The following PRKN variants were observed in gnomAD, a reference collection of about 807,000 sequenced individuals.
PRKN encodes the protein E3 ubiquitin-protein ligase parkin.
A neutral mutation model predicts 59.5 loss-of-function variants in PRKN; 56 were observed. The ratio of observed to expected loss-of-function variants is 0.94; its 90% CI spans 0.76 to 1.18. PRKN has a LOEUF of 1.18. Ranked by LOEUF, PRKN falls within the 50% of genes most tolerant of loss-of-function variation. The pLI, the probability that PRKN is intolerant of heterozygous loss-of-function variation, is 0.00. For missense variants in PRKN, 657 were observed against 596.4 expected (o/e 1.10, Z -1.06); for synonymous variants, 250 against 222.1 (o/e 1.13, Z -1.12).
At chr6:162,671,297 G>A (rs957021190) in intron 1 of PRKN, among the ~76,000 whole-genome samples, 13 of 152,102 alleles carry the variant, frequency 8.5e-5, no homozygotes, top group African/African-American at 2.9e-4. Context: ...TCAGGAGATC[G>A]AGACCATCCT....
intron 4 of PRKN, among the ~76,000 whole-genome samples, chr6:162,141,078 C>T (rs182633469): frequency 1.4e-3 from 209 of 151,944 alleles, no homozygotes; most frequent in Admixed American, 2.0e-3. Context: ...TGCAGTGAGC[C>T]GAGATCGCGC....
At chr6:162,165,485 T>C (rs1782935928) in intron 4 of PRKN, among the ~76,000 whole-genome samples, 1 of 148,988 alleles carries the variant, frequency 6.7e-6, no homozygotes, top group Non-Finnish European at 1.5e-5. Flanking sequence ...GAACCTAATT[T>C]GAAAGTGAAC....
Position 162,727,732 on chromosome 6 carries a change from C to T in PRKN, c.-64G>A, listed in dbSNP as rs1173179729. 2 of 1,519,840 alleles carry T rather than the reference C, an allele frequency of 1.3e-6. No individual in the cohort carries two copies. The highest frequency in any genetic ancestry group is 1.8e-6 in the Non-Finnish European group (2 of 1,119,860). 94.1% of individuals were successfully genotyped at this position (1,519,840 alleles called of 1,614,324 possible). A position where few individuals can be genotyped will look rare whatever the true frequency, so the allele number is the denominator to read the frequency against. ...CCCATGCGCGCAGCGGCGCCAGCCG[C>T]GCCTCCCACCAGCGGCTCTCCTGGG... is the stretch of plus-strand genomic sequence containing the variant. On this transcript the variant is annotated 5_prime_UTR_variant, in exon 1 of 12. Coordinates refer to ENST00000366898, the MANE Select transcript of PRKN (RefSeq NM_004562.3).
chr6:162,066,696 C>T (rs898259164), intron 4 of PRKN, among the ~76,000 whole-genome samples: 3 of 152,118 alleles, frequency 2.0e-5, no homozygotes, highest in African/African-American at 4.8e-5. Flanking sequence ...CCTGCTGGGG[C>T]CTTGATCCAG....
At position 161,366,002 on chromosome 6, in the gene PRKN, T is replaced by C. The variant is rs539966793; in HGVS notation, c.1168-5797A>G. ...CCCTTATCATTTCCTTCACAGACTC[T>C]GCAACTGGGCCAATGTTACTTCTTC... On this transcript the variant is annotated intron_variant, in intron 10 of 11. Coordinates refer to ENST00000366898, the MANE Select transcript of PRKN (RefSeq NM_004562.3). Among the ~76,000 whole-genome samples, 5 of 152,320 alleles carry C rather than the reference T, an allele frequency of 3.3e-5. No homozygotes were observed. In the East Asian group the frequency reaches 7.7e-4, roughly 23 times the overall value.
intron 6 of PRKN, among the ~76,000 whole-genome samples, chr6:161,862,294 T>TA (rs1161006739): frequency 2.0e-5 from 3 of 152,182 alleles, no homozygotes; most frequent in African/African-American, 7.2e-5. Context: ...TCCTAGCCTT[T>TA]TTTGAGTCAG....
intron 7 of PRKN, among the ~76,000 whole-genome samples, chr6:161,694,230 A>T (rs1785921864): frequency 6.6e-6 from 1 of 152,204 alleles, no homozygotes; most frequent in African/African-American, 2.4e-5. Flanking sequence ...GATTGTTAAT[A>T]GTAATAATAA....
chr6:162,479,389 C>G (rs1458659043), intron 1 of PRKN, among the ~76,000 whole-genome samples: 7 of 152,008 alleles, frequency 4.6e-5, no homozygotes, highest in Admixed American at 3.9e-4. Flanking sequence ...ACATCCCCAG[C>G]TAATTTTTTT....
At chr6:161,835,676 C>T (rs866313458) in intron 6 of PRKN, among the ~76,000 whole-genome samples, 2 of 152,206 alleles carry the variant, frequency 1.3e-5, no homozygotes, top group African/African-American at 2.4e-5. Flanking sequence ...GGCTCAGGCA[C>T]AAGTGCAAAC....
intron 1 of PRKN, among the ~76,000 whole-genome samples, chr6:162,552,110 A>G (rs1360585449): frequency 6.6e-6 from 1 of 152,214 alleles, no homozygotes; most frequent in Non-Finnish European, 1.5e-5. Flanking sequence ...AACACATTCC[A>G]AACAAAGGGA....
chr6:162,553,519 C>T (rs1367053114), intron 1 of PRKN, among the ~76,000 whole-genome samples: 2 of 128,928 alleles, frequency 1.6e-5, no homozygotes, highest in African/African-American at 5.9e-5. Flanking sequence ...ACAGTGTCCT[C>T]GGTTTACCCA....
At chr6:161,895,914 C>G (rs1382998382) in intron 6 of PRKN, among the ~76,000 whole-genome samples, 2 of 152,028 alleles carry the variant, frequency 1.3e-5, no homozygotes, top group Non-Finnish European at 2.9e-5. Flanking sequence ...ATAGGAATTA[C>G]CCAGACGAAG....
chr6:162,705,337 TA>T (rs1488237081), intron 1 of PRKN, among the ~76,000 whole-genome samples: 1 of 152,176 alleles, frequency 6.6e-6, no homozygotes, highest in Admixed American at 6.5e-5. Flanking sequence ...CACAATGCCA[TA>T]GATGTAAATG....
intron 9 of PRKN, among the ~76,000 whole-genome samples, chr6:161,485,157 T>A (rs1218962251): frequency 6.6e-6 from 1 of 152,234 alleles, no homozygotes; most frequent in Non-Finnish European, 1.5e-5. Context: ...GAATTCATTG[T>A]GTACCGAGCC....
At chr6:162,457,190 G>A (rs775142509) in intron 1 of PRKN, among the ~76,000 whole-genome samples, 16 of 152,036 alleles carry the variant, frequency 1.1e-4, no homozygotes, top group Non-Finnish European at 1.9e-4. Context: ...TGCAAATATG[G>A]AACCCGTGAA....
chr6:161,855,707 T>C (rs777972964), intron 6 of PRKN, among the ~76,000 whole-genome samples: 1 of 152,246 alleles, frequency 6.6e-6, no homozygotes, highest in Non-Finnish European at 1.5e-5. Context: ...ATAATCCTTA[T>C]ACCTGTTGCT....
At chr6:162,446,233 A>G (rs1344257236) in intron 1 of PRKN, among the ~76,000 whole-genome samples, 2 of 152,216 alleles carry the variant, frequency 1.3e-5, no homozygotes, top group Non-Finnish European at 2.9e-5. Flanking sequence ...CTATAGGGAC[A>G]AAAGATATGA....
intron 7 of PRKN, among the ~76,000 whole-genome samples, chr6:161,767,825 A>G (rs980176577): frequency 2.0e-5 from 3 of 152,126 alleles, no homozygotes; most frequent in Non-Finnish European, 2.9e-5. Flanking sequence ...CGGACACTGC[A>G]TCAGGGGAGG....
chr6:162,299,456 T>G (rs1781841216), intron 2 of PRKN, among the ~76,000 whole-genome samples: 1 of 151,762 alleles, frequency 6.6e-6, no homozygotes, highest in Non-Finnish European at 1.5e-5. Context: ...AAACAGTCTA[T>G]TTTTTTCCCA....
Sources: gnomAD v4.1 joint callset for allele counts (sites outside exome capture counted in the v4.1 genomes callset) on GRCh38, gnomAD v4.1.1 for gene constraint, MANE v1.5 for transcripts, NCBI Gene and HGNC (gene_info 2026-07-23, HGNC 2026-07-21) for gene names.